TLK1: variants seen among roughly 807,000 people sequenced by gnomAD.
TLK1 encodes the protein serine/threonine-protein kinase tousled-like 1.
In TLK1, 24 loss-of-function variants were observed where a neutral mutation model predicts 105.3. The observed-to-expected ratio is 0.23, with a 90% CI of 0.17 to 0.32. TLK1 has a LOEUF of 0.32. Among genes scored for constraint, TLK1 ranks in the 10% least tolerant of loss-of-function variants. The pLI is 1.00. For missense variants in TLK1, 558 were observed against 910.5 expected (o/e 0.61, Z 4.98); for synonymous variants, 321 against 310.4 (o/e 1.03, Z -0.36).
intron 1 of TLK1, among the ~76,000 whole-genome samples, chr2:171,137,618 G>A (rs1309476120): frequency 2.0e-5 from 3 of 152,072 alleles, no homozygotes; most frequent in Non-Finnish European, 2.9e-5. Flanking sequence ...GGAGGCTAAC[G>A]TGGGCGGATT....
chr2:170,995,707 T>C (rs1684023156), intron 20 of TLK1, among the ~76,000 whole-genome samples: 1 of 152,232 alleles, frequency 6.6e-6, no homozygotes, highest in Non-Finnish European at 1.5e-5. Context: ...AATATTTATC[T>C]CTTTTGTTTT....
At chr2:171,079,948 G>A (rs929718542) in intron 3 of TLK1, among the ~76,000 whole-genome samples, 5 of 152,098 alleles carry the variant, frequency 3.3e-5, no homozygotes, top group Non-Finnish European at 1.5e-5. Context: ...AATAGGGTAT[G>A]CATATTAATT....
intron 1 of TLK1, among the ~76,000 whole-genome samples, chr2:171,147,233 T>C (rs970491294): frequency 6.6e-6 from 1 of 152,226 alleles, no homozygotes; most frequent in African/African-American, 2.4e-5. Context: ...ACTTGCTGAA[T>C]GAACAAACTA....
At chr2:171,202,896 C>T (rs1250676911) in intron 1 of TLK1, among the ~76,000 whole-genome samples, 4 of 151,928 alleles carry the variant, frequency 2.6e-5, no homozygotes, top group Admixed American at 6.6e-5. Context: ...ATCTAATTTC[C>T]AAAGTCCTTT....
intron 2 of TLK1, among the ~76,000 whole-genome samples, chr2:171,116,439 G>A (rs965989444): frequency 6.6e-6 from 1 of 152,104 alleles, no homozygotes; most frequent in Non-Finnish European, 1.5e-5. Context: ...GGTGGCTCAC[G>A]CCTGTAATCC....
At chr2:171,132,765 T>C (rs1003705227) in intron 1 of TLK1, among the ~76,000 whole-genome samples, 2 of 151,964 alleles carry the variant, frequency 1.3e-5, no homozygotes, top group East Asian at 3.9e-4. Flanking sequence ...ACTCAAGAGA[T>C]TGAGGTGGGA....
At chr2:171,191,159 TA>T (rs60212127) in intron 1 of TLK1, among the ~76,000 whole-genome samples, 29,449 of 145,274 alleles carry the variant, frequency 0.2, 4,544 homozygotes, top group African/African-American at 0.43. Context: ...GACTCCATCT[TA>T]AAAAAAAAAA....
rs1300246601 is a variant in TLK1, at chr2:171,160,329, G to C, written c.100C>G (p.Leu34Val). ...CCGGATGGCGGCGTGTGATTCAGCA[G>C]GGACCTGGCCGCCGCCGCCGAGCCC... Reference protein sequence around the residue: ...TPGSAAAARSLLNHTPPSGRP... With the variant: ...TPGSAAAARSVLNHTPPSGRP... The change falls in exon 1 of 21, where the codon CTG becomes GTG. Residue 34 changes from leucine to valine, a missense_variant. Physicochemically the swap from Leu to Val is conservative, Grantham distance 32 (BLOSUM62 1). Coordinates refer to ENST00000431350, the MANE Select transcript of TLK1 (RefSeq NM_012290.5). The surrounding 1 kb of genome is among the most constrained non-coding windows in gnomAD (Gnocchi z 4.4). 1 of 1,602,426 alleles carries C rather than the reference G, an allele frequency of 6.2e-7. No individual in the cohort carries two copies. Among genetic ancestry groups the C allele is most frequent in the Admixed American group, 1.7e-5 (1 of 58,694 alleles).
intron 1 of TLK1, among the ~76,000 whole-genome samples, chr2:171,217,856 T>C (rs944859460): frequency 1.3e-5 from 2 of 152,232 alleles, no homozygotes; most frequent in Non-Finnish European, 1.5e-5. Flanking sequence ...TGTGTACATT[T>C]ATGAATATTT....
chr2:171,148,978 GTTGA>G, intron 1 of TLK1, among the ~76,000 whole-genome samples: 1 of 146,394 alleles, frequency 6.8e-6, no homozygotes, highest in East Asian at 2.0e-4. Flanking sequence ...CGTTGCTTTA[GTTGA>G]TTTTGTTGAT....
intron 4 of TLK1, among the ~76,000 whole-genome samples, 180 bp downstream of exon 4, chr2:171,060,901 T>C (rs1341734515): frequency 6.6e-6 from 1 of 152,168 alleles, no homozygotes; most frequent in Non-Finnish European, 1.5e-5. Context: ...AGGACCCAAA[T>C]GAAAACAATA....
At chr2:171,015,975 G>C (rs1023209026) in intron 12 of TLK1, among the ~76,000 whole-genome samples, 1 of 152,036 alleles carries the variant, frequency 6.6e-6, no homozygotes, top group Non-Finnish European at 1.5e-5. Context: ...CTACTTGGGA[G>C]GCTGAGGCAG....
chr2:171,135,303 T>TTGTG (rs769053145), intron 1 of TLK1, among the ~76,000 whole-genome samples: 3 of 106,070 alleles, frequency 2.8e-5, no homozygotes, highest in Non-Finnish European at 5.6e-5. Context: ...ATGTGTGTGT[T>TTGTG]TGTGTGTGTG....
chr2:171,048,936 A>ATT (rs1479319434), intron 10 of TLK1, among the ~76,000 whole-genome samples: 1 of 152,228 alleles, frequency 6.6e-6, no homozygotes, highest in Non-Finnish European at 1.5e-5. Context: ...TTAACACATA[A>ATT]ACAGCCAATA....
At chr2:171,123,053 TAAATACACACACAC>T (rs1172201625) in intron 1 of TLK1, among the ~76,000 whole-genome samples, 2 of 91,432 alleles carry the variant, frequency 2.2e-5, no homozygotes, top group Admixed American at 2.2e-4. Context: ...AATAAATAAA[TAAATACACACACAC>T]ACACACACAC....
At chr2:171,058,700 A>G (rs554054648) in intron 4 of TLK1, among the ~76,000 whole-genome samples, 1 of 152,328 alleles carries the variant, frequency 6.6e-6, no homozygotes, top group African/African-American at 2.4e-5. Context: ...GAACCAGCTC[A>G]TTAGAGATCA....
At chr2:171,161,991 A>C (rs1054037736), upstream of TLK1, among the ~76,000 whole-genome samples, 8 of 152,248 alleles carry the variant, frequency 5.3e-5, no homozygotes, top group Admixed American at 1.3e-4. Context: ...CATGATTACC[A>C]GGGGGACAAA....
intron 2 of TLK1, among the ~76,000 whole-genome samples, chr2:171,090,104 C>T (rs10930456): frequency 0.39 from 59,328 of 151,982 alleles, 12,953 homozygotes; most frequent in African/African-American, 0.57. Flanking sequence ...ATCTCATTTA[C>T]TAAGGCCTTT....
intron 2 of TLK1, among the ~76,000 whole-genome samples, chr2:171,091,261 G>T (rs910369503): frequency 6.6e-6 from 1 of 152,140 alleles, no homozygotes; most frequent in Non-Finnish European, 1.5e-5. Context: ...AAAAATCAGT[G>T]CTTGAGTTCA....
Sources: gnomAD v4.1 joint callset for allele counts (sites outside exome capture counted in the v4.1 genomes callset) on GRCh38, gnomAD v4.1.1 for gene constraint, Gnocchi (gnomAD v3.1) non-coding constraint, MANE v1.5 for transcripts, NCBI Gene and HGNC (gene_info 2026-07-23, HGNC 2026-07-21) for gene names.